PLD5: variants seen among roughly 807,000 people sequenced by gnomAD.
PLD5 encodes inactive phospholipase D5.
Under a neutral mutation model 61.1 loss-of-function variants are expected in PLD5, and 36 were observed. The observed-to-expected ratio is 0.59, with a 90% CI of 0.45 to 0.78. The LOEUF is 0.78. Among genes scored for constraint, PLD5 ranks in the 30% least tolerant of loss-of-function variants. The pLI is 0.00. For missense variants in PLD5, 515 were observed against 644.4 expected (o/e 0.80, Z 2.17); for synonymous variants, 243 against 242.8 (o/e 1.00, Z -0.01).
chr1:242,165,989 C>T (rs1373605729), intron 5 of PLD5, among the ~76,000 whole-genome samples: 5 of 152,196 alleles, frequency 3.3e-5, no homozygotes, highest in South Asian at 2.1e-4. Context: ...AGCGCTGCCC[C>T]GCACCACACC....
intron 1 of PLD5, among the ~76,000 whole-genome samples, chr1:242,391,276 G>A (rs770006917): frequency 6.6e-6 from 1 of 152,142 alleles, no homozygotes; most frequent in Non-Finnish European, 1.5e-5. Flanking sequence ...GAGGGTCTGG[G>A]GCAATGGAGT....
intron 4 of PLD5, among the ~76,000 whole-genome samples, chr1:242,242,292 G>A (rs542512193): frequency 6.6e-6 from 1 of 152,140 alleles, no homozygotes; most frequent in Non-Finnish European, 1.5e-5. Flanking sequence ...GCAATCCAGG[G>A]GCAGTGCCCT....
intron 1 of PLD5, among the ~76,000 whole-genome samples, chr1:242,420,587 A>G (rs1665084094): frequency 6.6e-6 from 1 of 152,094 alleles, no homozygotes; most frequent in Admixed American, 6.5e-5. Flanking sequence ...CCTCTCTTGC[A>G]TGGATATAAC....
chr1:242,486,441 C>A (rs907091402), intron 1 of PLD5, among the ~76,000 whole-genome samples: 2 of 151,994 alleles, frequency 1.3e-5, no homozygotes, highest in Admixed American at 6.6e-5. Context: ...ATTTATGCAG[C>A]CAAAAGACAC....
intron 1 of PLD5, among the ~76,000 whole-genome samples, chr1:242,518,442 C>A (rs769931459): frequency 6.6e-6 from 1 of 152,098 alleles, no homozygotes; most frequent in Non-Finnish European, 1.5e-5. Flanking sequence ...GGTGTGAGAT[C>A]GTGCCACAGA....
chr1:242,165,449 AG>A (rs71570936), intron 5 of PLD5, among the ~76,000 whole-genome samples: 36,437 of 140,006 alleles, frequency 0.26, 5,797 homozygotes, highest in South Asian at 0.37. Flanking sequence ...GTGGCTTTAA[AG>A]GGAAAAAAAA....
intron 1 of PLD5, among the ~76,000 whole-genome samples, chr1:242,439,418 A>G (rs936536793): frequency 7.2e-5 from 11 of 152,194 alleles, no homozygotes; most frequent in African/African-American, 2.2e-4. Context: ...TTTTATGGGT[A>G]GGCCTGGAAG....
chr1:242,257,380 A>C (rs1673129921), intron 4 of PLD5, among the ~76,000 whole-genome samples: 1 of 152,190 alleles, frequency 6.6e-6, no homozygotes, highest in African/African-American at 2.4e-5. Context: ...ATTCCAACAG[A>C]CTGAAAGCTT....
At chr1:242,153,284 C>T (rs1665085418) in intron 5 of PLD5, among the ~76,000 whole-genome samples, 1 of 152,030 alleles carries the variant, frequency 6.6e-6, no homozygotes, top group Non-Finnish European at 1.5e-5. Flanking sequence ...CAAAAATTTT[C>T]TCCCATTCTG....
rs1216366344 is a variant in PLD5, at chr1:242,394,997, G to GAATATATATGAATATATATGATTA, written c.190-46756_190-46755insTAATCATATATATTCATATATATT. Among the ~76,000 whole-genome samples, 37 of 57,870 alleles carry GAATATATATGAATATATATGATTA rather than the reference G, an allele frequency of 6.4e-4. 3 individuals carry two copies. The highest frequency in any genetic ancestry group is 4.6e-3 in the East Asian group (13 of 2,842). 38.0% of individuals were successfully genotyped at this position (57,870 alleles called of 152,430 possible). ...TATATGAATATATATGAATATATATGTATATATGAATATATATGAATATAT... is the reference window on the plus strand; with the variant it reads ...TATATGAATATATATGAATATATATGAATATATATGAATATATATGATTATATATATGAATATATATGAATATAT... On this transcript the variant is annotated intron_variant, in intron 1 of 9. Coordinates refer to ENST00000536534, the MANE Select transcript of PLD5 (RefSeq NM_001372062.1).
chr1:242,175,255 G>T (rs1310263761), intron 5 of PLD5, among the ~76,000 whole-genome samples: 2 of 152,130 alleles, frequency 1.3e-5, no homozygotes, highest in Admixed American at 1.3e-4. Flanking sequence ...TATCCACCAC[G>T]ATCAAGTTGG....
At chr1:242,308,352 G>A (rs1280621016) in intron 2 of PLD5, among the ~76,000 whole-genome samples, 1 of 152,116 alleles carries the variant, frequency 6.6e-6, no homozygotes, top group Non-Finnish European at 1.5e-5. Flanking sequence ...GGAGTCTCAG[G>A]AACTTGAAAC....
chr1:242,308,504 ATTAT>A (rs1158784446), intron 2 of PLD5, among the ~76,000 whole-genome samples: 1 of 152,198 alleles, frequency 6.6e-6, no homozygotes, highest in African/African-American at 2.4e-5. Context: ...AACTCATAAA[ATTAT>A]TTAAACATAT....
chr1:242,100,789 G>GA lies in PLD5; in HGVS notation c.1240-8dup, dbSNP rs372385373. The GA allele has an allele frequency of 0.046, 53,807 of 1,158,172 alleles. No homozygotes were observed. The highest frequency in any genetic ancestry group is 0.072 in the East Asian group (1,882 of 26,132). 71.7% of individuals were successfully genotyped at this position (1,158,172 alleles called of 1,614,324 possible). A position where few individuals can be genotyped will look rare whatever the true frequency, so the allele number is the denominator to read the frequency against. On this transcript the variant is annotated splice_polypyrimidine_tract_variant and splice_region_variant and intron_variant, in intron 8 of 9. Coordinates refer to ENST00000536534, the MANE Select transcript of PLD5 (RefSeq NM_001372062.1). ...TTTCCAGATCAAAAAATTTCTGTAA[G>GA]AAAAAAAAAAAGGGGGCAGGTAAAT...
chr1:242,411,108 A>C (rs1664524929), intron 1 of PLD5, among the ~76,000 whole-genome samples: 1 of 152,232 alleles, frequency 6.6e-6, no homozygotes, highest in African/African-American at 2.4e-5. Flanking sequence ...AAGAATCATA[A>C]AATTATAGGT....
intron 1 of PLD5, among the ~76,000 whole-genome samples, chr1:242,393,527 T>C (rs1663092258): frequency 2.2e-5 from 2 of 92,230 alleles, no homozygotes; most frequent in Admixed American, 1.4e-4. Context: ...TATATGTGTA[T>C]ATATGTGAGT....
chr1:242,138,119 G>A (rs554104981), intron 5 of PLD5, among the ~76,000 whole-genome samples: 17 of 152,252 alleles, frequency 1.1e-4, no homozygotes, highest in East Asian at 7.7e-4. Flanking sequence ...TTTATAAAAA[G>A]GTGACGACTG....
At chr1:242,144,266 A>C (rs1232641750) in intron 5 of PLD5, among the ~76,000 whole-genome samples, 3 of 151,622 alleles carry the variant, frequency 2.0e-5, no homozygotes, top group Non-Finnish European at 4.4e-5. Context: ...TTTTTTTTAA[A>C]ATATTATTAA....
chr1:242,202,943 G>A (rs773781831), intron 5 of PLD5, among the ~76,000 whole-genome samples: 3 of 152,186 alleles, frequency 2.0e-5, no homozygotes, highest in Non-Finnish European at 2.9e-5. Context: ...TTGTTTACCC[G>A]AGAGACCGAA....
Sources: gnomAD v4.1 joint callset for allele counts (sites outside exome capture counted in the v4.1 genomes callset) on GRCh38, gnomAD v4.1.1 for gene constraint, MANE v1.5 for transcripts, NCBI Gene and HGNC (gene_info 2026-07-23, HGNC 2026-07-21) for gene names.